The following NXPH2 variants were observed in gnomAD, a reference collection of about 807,000 sequenced individuals.
The protein encoded by NXPH2 is neurexophilin 2, also known as neurexophilin-2.
In NXPH2, 5 loss-of-function variants were observed where a neutral mutation model predicts 19.8. The ratio of observed to expected loss-of-function variants is 0.25; its 90% CI spans 0.13 to 0.53. The LOEUF is 0.53. Among genes scored for constraint, NXPH2 ranks in the 20% least tolerant of loss-of-function variants. NXPH2 has a pLI of 0.96. For missense variants in NXPH2, 289 were observed against 322.8 expected (o/e 0.90, Z 0.80); for synonymous variants, 154 against 127.4 (o/e 1.21, Z -1.41).
At chr2:138,746,955 G>A (rs971827624) in intron 1 of NXPH2, among the ~76,000 whole-genome samples, 1 of 152,096 alleles carries the variant, frequency 6.6e-6, no homozygotes, top group Non-Finnish European at 1.5e-5. Flanking sequence ...GGGTACCCTT[G>A]TTTTTTCTAA....
At chr2:138,752,639 T>C (rs116680590) in intron 1 of NXPH2, among the ~76,000 whole-genome samples, 4,654 of 152,252 alleles carry the variant, frequency 0.031, 118 homozygotes, top group Non-Finnish European at 0.043. Context: ...GCCCATACTT[T>C]GTTCAGATTT....
intron 1 of NXPH2, among the ~76,000 whole-genome samples, chr2:138,671,866 A>T (rs769760957): frequency 1.3e-5 from 2 of 152,220 alleles, no homozygotes; most frequent in African/African-American, 4.8e-5. Flanking sequence ...TATGAAAATT[A>T]AAAATGGTGA....
intron 1 of NXPH2, among the ~76,000 whole-genome samples, chr2:138,690,073 T>G (rs1680725114): frequency 6.6e-6 from 1 of 152,178 alleles, no homozygotes; most frequent in African/African-American, 2.4e-5. Flanking sequence ...AGGTCATTTG[T>G]GCTGATTTCC....
At chr2:138,744,567 A>G (rs540641166) in intron 1 of NXPH2, among the ~76,000 whole-genome samples, 1 of 152,238 alleles carries the variant, frequency 6.6e-6, no homozygotes, top group East Asian at 1.9e-4. Flanking sequence ...CAGCCTCCCT[A>G]CAGTTACTGA....
intron 1 of NXPH2, among the ~76,000 whole-genome samples, chr2:138,720,822 C>A (rs1681268319): frequency 6.6e-6 from 1 of 152,126 alleles, no homozygotes; most frequent in Non-Finnish European, 1.5e-5. Flanking sequence ...CTGAGTAGAG[C>A]TGTTGTGAAC....
intron 1 of NXPH2, among the ~76,000 whole-genome samples, chr2:138,728,569 G>A (rs1681396836): frequency 6.6e-6 from 1 of 152,058 alleles, no homozygotes; most frequent in African/African-American, 2.4e-5. Context: ...TTAATAAAAG[G>A]GTGCTTACTG....
At chr2:138,682,453 G>T (rs1419483412) in intron 1 of NXPH2, among the ~76,000 whole-genome samples, 1 of 152,088 alleles carries the variant, frequency 6.6e-6, no homozygotes, top group Non-Finnish European at 1.5e-5. Flanking sequence ...GACAAAAAAA[G>T]AATGAAAAAT....
chr2:138,725,787 T>TG (rs1681346722), intron 1 of NXPH2, among the ~76,000 whole-genome samples: 1 of 152,234 alleles, frequency 6.6e-6, no homozygotes, highest in East Asian at 1.9e-4. Context: ...CTCCCTGTGC[T>TG]TATTTTCCCC....
chr2:138,673,585 C>G (rs944424843), intron 1 of NXPH2, among the ~76,000 whole-genome samples: 5 of 151,940 alleles, frequency 3.3e-5, no homozygotes, highest in Admixed American at 2.6e-4. Flanking sequence ...AGTATAGTCA[C>G]CCTACAATGC....
chr2:138,741,717 T>C (rs1482854408), intron 1 of NXPH2, among the ~76,000 whole-genome samples: 1 of 152,226 alleles, frequency 6.6e-6, no homozygotes, highest in African/African-American at 2.4e-5. Context: ...GATTACATAC[T>C]TTCTGCAGTG....
In NXPH2 at chr2:138,675,282, C is replaced by T. The variant is rs1447559294; in HGVS notation, c.52-3617G>A. On this transcript the variant is annotated intron_variant, in intron 1 of 1. Coordinates refer to ENST00000272641, the MANE Select transcript of NXPH2 (RefSeq NM_007226.3). Reference sequence around the variant, plus strand: ...TATGTTTCCCTAAATTTTTTTCTGCCTGGTTCATTTTTCTTGTTTTAGTGC... The same window carrying T: ...TATGTTTCCCTAAATTTTTTTCTGCTTGGTTCATTTTTCTTGTTTTAGTGC... Among the ~76,000 whole-genome samples the T allele has an allele frequency of 4.6e-5, 7 of 152,006 alleles. No individual in the cohort carries two copies. The East Asian group carries it at 1.4e-3, about 29-fold the overall frequency.
intron 1 of NXPH2, among the ~76,000 whole-genome samples, chr2:138,696,234 T>C (rs1269050424): frequency 2.0e-5 from 3 of 152,110 alleles, no homozygotes; most frequent in Non-Finnish European, 4.4e-5. Context: ...GTCTAGGAAT[T>C]TACCTTAAGT....
intron 1 of NXPH2, among the ~76,000 whole-genome samples, chr2:138,742,355 A>G (rs1681658966): frequency 1.4e-5 from 2 of 143,056 alleles, no homozygotes; most frequent in Admixed American, 6.7e-5. Context: ...CCTTTTTAAC[A>G]CAGCATATTT....
intron 1 of NXPH2, among the ~76,000 whole-genome samples, chr2:138,712,378 A>G (rs1188912276): frequency 6.6e-6 from 1 of 152,200 alleles, no homozygotes; most frequent in East Asian, 1.9e-4. Flanking sequence ...CAGAGGCTGA[A>G]CTGCTCATAA....
At chr2:138,733,152 C>T (rs1347773174) in intron 1 of NXPH2, among the ~76,000 whole-genome samples, 1 of 152,174 alleles carries the variant, frequency 6.6e-6, no homozygotes, top group South Asian at 2.1e-4. Flanking sequence ...CATATCTACA[C>T]AGTCTATAAT....
intron 1 of NXPH2, among the ~76,000 whole-genome samples, chr2:138,756,275 A>C (rs1389511021): frequency 6.6e-6 from 1 of 152,096 alleles, no homozygotes; most frequent in African/African-American, 2.4e-5. Flanking sequence ...ATATAATGCC[A>C]ATCTTTCACT....
intron 1 of NXPH2, among the ~76,000 whole-genome samples, chr2:138,745,306 T>C (rs567602542): frequency 5.3e-5 from 8 of 152,292 alleles, no homozygotes; most frequent in African/African-American, 1.4e-4. Flanking sequence ...GTTTTACCAA[T>C]TTACACTCTC....
chr2:138,713,982 A>AG, intron 1 of NXPH2, among the ~76,000 whole-genome samples: 1 of 152,208 alleles, frequency 6.6e-6, no homozygotes, highest in Non-Finnish European at 1.5e-5. Flanking sequence ...GCAAAAAAAA[A>AG]AAAATTTCAC....
chr2:138,715,053 G>A (rs1266172414), intron 1 of NXPH2, among the ~76,000 whole-genome samples: 1 of 152,170 alleles, frequency 6.6e-6, no homozygotes, highest in Non-Finnish European at 1.5e-5. Context: ...ATGAGTGATG[G>A]ATGCATTGGT....
Sources: gnomAD v4.1 joint callset for allele counts (sites outside exome capture counted in the v4.1 genomes callset) on GRCh38, gnomAD v4.1.1 for gene constraint, MANE v1.5 for transcripts, NCBI Gene and HGNC (gene_info 2026-07-23, HGNC 2026-07-21) for gene names.